The following PYGM variants were observed in gnomAD, a reference collection of about 807,000 sequenced individuals.
PYGM encodes glycogen phosphorylase, muscle form.
In PYGM, 81 loss-of-function variants were observed where a neutral mutation model predicts 99.3. The observed-to-expected ratio is 0.82, with a 90% CI of 0.68 to 0.98. The LOEUF (loss-of-function observed/expected upper bound fraction) is 0.98. PYGM is among the 50% of genes least tolerant of loss of function. PYGM has a pLI of 0.00. For missense variants in PYGM, 1,030 were observed against 1,158.1 expected, an observed-to-expected ratio of 0.89 and a Z score of 1.61; for synonymous variants, 436 against 451.5, an observed-to-expected ratio of 0.97 and a Z score of 0.44.
Position 64,754,962 on chromosome 11 carries a change from G to A in PYGM, c.856-126C>T. On this transcript the variant is annotated intron_variant, in intron 7 of 19. Coordinates refer to ENST00000164139, the MANE Select transcript of PYGM (RefSeq NM_005609.4). This position sits in a 1 kb window ranked among gnomAD's most constrained non-coding sequence, Gnocchi z 5.5. Reference sequence around the variant, plus strand: ...TGAGCCCTGAGCCGGCCCCCTCTCTGGGACCCAGGGGCCTTTCCTCCACCA... The same window carrying A: ...TGAGCCCTGAGCCGGCCCCCTCTCTAGGACCCAGGGGCCTTTCCTCCACCA... 1 of 1,321,864 alleles carries A rather than the reference G, an allele frequency of 7.6e-7. No individual in the cohort carries two copies. Among genetic ancestry groups the A allele is most frequent in the Non-Finnish European group, 1.0e-6 (1 of 968,236 alleles). 81.9% of individuals were successfully genotyped at this position (1,321,864 alleles called of 1,614,324 possible). A position where few individuals can be genotyped will look rare whatever the true frequency, so the allele number is the denominator to read the frequency against.
intron 17 of PYGM, 55 bp from the exon 18 acceptor site, chr11:64,747,413 C>A (rs71581781): frequency 6.2e-7 from 1 of 1,611,978 alleles, no homozygotes; most frequent in Non-Finnish European, 8.5e-7. Context: ...GGCTCCTCTT[C>A]CAGAGAAAAG....
rs1198008535 is a variant in PYGM at position 64,755,761 on chromosome 11, C to A, written c.661-203G>T. The stretch of plus-strand genomic sequence containing the variant: ...AGCAAAGACACCCTCAACACCTCCC[C>A]GACACCCATAAGCCCTGCCTGGGCA... On this transcript the variant is annotated intron_variant, in intron 5 of 19. Transcript: ENST00000164139. This position sits in a 1 kb window ranked among gnomAD's most constrained non-coding sequence, Gnocchi z 4.1. Among the ~76,000 whole-genome samples the A allele has an allele frequency of 6.6e-6, 1 of 152,230 alleles. No individual in the cohort carries two copies. The highest frequency in any genetic ancestry group is 6.5e-5 in the Admixed American group (1 of 15,290).
In PYGM at chr11:64,753,565, C is replaced by T. The variant is rs151213354; in HGVS notation, c.1357G>A (p.Val453Ile). 3.7e-5 allele frequency: 60 copies of T among 1,602,284 alleles called. No homozygotes were observed. Among genetic ancestry groups the T allele is most frequent in the Non-Finnish European group, 4.5e-5 (53 of 1,177,166 alleles). Reference protein sequence around the residue: ...AHLCIAGSHAVNGVARIHSEI... With the variant: ...AHLCIAGSHAINGVARIHSEI... ...GAGTGGATGCGCGCCACGCCGTTGA[C>T]GGCGTGCGACCCCGCGATGCACAGG... Residue 453 changes from valine (V) to isoleucine (I), a missense_variant, in exon 11 of 20, where the codon GTC becomes ATC. Coordinates refer to ENST00000164139, the MANE Select transcript of PYGM (RefSeq NM_005609.4).
chr11:64,758,453 GC>G lies in PYGM; in HGVS notation c.407del (p.Gly136AlafsTer159), dbSNP rs786204723. The G allele has an allele frequency of 1.2e-6, 2 of 1,613,890 alleles. No individual in the cohort carries two copies. The highest frequency in any genetic ancestry group is 1.7e-5 in the Admixed American group (1 of 60,024). ...TCTTCTTACCTGCCAGCCGGCCCAGGCCCCCGTTGCCCAGCCCCGCATCCTC... is the reference window on the plus strand; with the variant it reads ...TCTTCTTACCTGCCAGCCGGCCCAGGCCCCGTTGCCCAGCCCCGCATCCTC... ...IEEDAGLGNG[G>X]LGRLAACFLD... On this transcript the variant is annotated frameshift_variant, in exon 3 of 20. Transcript: ENST00000164139. LOFTEE classifies it high-confidence loss of function.
chr11:64,759,362 T>G (rs544559721), intron 1 of PYGM, among the ~76,000 whole-genome samples: 6 of 152,184 alleles, frequency 3.9e-5, no homozygotes, highest in Admixed American at 6.5e-5. Context: ...GATGTGTCCT[T>G]CCACCTGGGC....
chr11:64,750,953 G>A (rs182444263), intron 16 of PYGM, among the ~76,000 whole-genome samples: 5 of 152,264 alleles, frequency 3.3e-5, no homozygotes, highest in African/African-American at 1.2e-4. Context: ...GTGCAATGGC[G>A]TGATCTCGGC....
At chr11:64,746,863 G>T (rs2058314192) in intron 19 of PYGM, 55 bp from the exon 20 acceptor site, 3 of 1,614,052 alleles carry the variant, frequency 1.9e-6, no homozygotes, top group Admixed American at 3.3e-5. Context: ...TCCACCTTCT[G>T]CCTCATCCCA....
In PYGM at chr11:64,754,409, A is replaced by G. The variant is rs1195535328; in HGVS notation, c.1000-64T>C. On this transcript the variant is annotated intron_variant, in intron 8 of 19. Coordinates refer to ENST00000164139, the MANE Select transcript of PYGM (RefSeq NM_005609.4). The surrounding 1 kb of genome is among the most constrained non-coding windows in gnomAD (Gnocchi z 5.5). The stretch of plus-strand genomic sequence containing the variant: ...CATTCCATGCTATGGTCACTGCCCT[A>G]TGCCATTTGGAGGCCCCCAGAGAGC... 4 of 1,400,604 alleles carry G rather than the reference A, an allele frequency of 2.9e-6. No homozygotes were observed. Among genetic ancestry groups the G allele is most frequent in the African/African-American group, 1.4e-5 (1 of 69,550 alleles). 86.8% of individuals were successfully genotyped at this position (1,400,604 alleles called of 1,614,324 possible). A position where few individuals can be genotyped will look rare whatever the true frequency, so the allele number is the denominator to read the frequency against.
intron 16 of PYGM, 128 bp from the exon 17 acceptor site, chr11:64,750,711 C>T (rs1035726639): frequency 6.0e-6 from 5 of 839,954 alleles, no homozygotes; most frequent in African/African-American, 1.7e-5. Flanking sequence ...TCCCAGTCTT[C>T]ACCAGCCAAG....
rs1196981117 is a variant in PYGM, at chr11:64,754,619, G to A, written c.999+74C>T. The A allele has an allele frequency of 6.4e-7, 1 of 1,568,712 alleles. No homozygotes were observed. The highest frequency in any genetic ancestry group is 8.7e-7 in the Non-Finnish European group (1 of 1,150,746). On this transcript the variant is annotated intron_variant, in intron 8 of 19. Coordinates refer to ENST00000164139, the MANE Select transcript of PYGM (RefSeq NM_005609.4). The surrounding 1 kb of genome is among the most constrained non-coding windows in gnomAD (Gnocchi z 5.5). ...ACTCCCTTATCTATTACATGGGGCAGGCAGGCCGAGGCTGGAGGGAGAGGC... is the reference window on the plus strand; with the variant it reads ...ACTCCCTTATCTATTACATGGGGCAAGCAGGCCGAGGCTGGAGGGAGAGGC...
At chr11:64,759,093 C>A (rs1210963817) in intron 1 of PYGM, among the ~76,000 whole-genome samples, 3 of 11,132 alleles carry the variant, frequency 2.7e-4, no homozygotes, top group African/African-American at 6.9e-4. Flanking sequence ...CATCCTTGCA[C>A]TGTCCAGTTC....
rs775496411 is a variant in PYGM, at chr11:64,752,443, T to C, written c.1580A>G (p.Asp527Gly). 4.9e-5 allele frequency: 79 copies of C among 1,614,102 alleles called. No individual in the cohort carries two copies. Among genetic ancestry groups the C allele is most frequent in the Non-Finnish European group, 6.4e-5 (76 of 1,180,032 alleles). Residue 527 changes from aspartate to glycine, a missense_variant, in exon 13 of 20, where the codon GAT becomes GGT. By Grantham distance (94) the Asp-to-Gly change is moderately conservative (BLOSUM62 -1). Transcript: ENST00000164139. ...DQLRKLLSFV[D>G]DEAFIRDVAK... ...CACATCCCGAATGAAAGCTTCATCATCCACAAAGGAGAGCAGTTTGCGCAG... is the reference window on the plus strand; with the variant it reads ...CACATCCCGAATGAAAGCTTCATCACCCACAAAGGAGAGCAGTTTGCGCAG...
rs556345115 is a variant in PYGM, at chr11:64,747,476, C to A, written c.2178-118G>T. 115 of 1,390,378 alleles carry A rather than the reference C, an allele frequency of 8.3e-5. 3 individuals are homozygous for A. The Admixed American group carries it at 1.7e-3, about 21-fold the overall frequency. 86.1% of individuals were successfully genotyped at this position (1,390,378 alleles called of 1,614,324 possible). On this transcript the variant is annotated intron_variant, in intron 17 of 19. Coordinates refer to ENST00000164139, the MANE Select transcript of PYGM (RefSeq NM_005609.4). Reference sequence around the variant, plus strand: ...AACCCAGGTCCAGCCTGCTGCTCCCCAGGGCTGCCACATCGCCCCTGCAGG... The same window carrying A: ...AACCCAGGTCCAGCCTGCTGCTCCCAAGGGCTGCCACATCGCCCCTGCAGG...
rs369382075 is a variant in PYGM, at chr11:64,747,225, G to C, written c.2311C>G (p.Arg771Gly). The C allele has an allele frequency of 3.6e-5, 58 of 1,613,880 alleles. No individual in the cohort carries two copies. Among genetic ancestry groups the C allele is most frequent in the Non-Finnish European group, 4.8e-5 (57 of 1,179,934 alleles). ...DIVNMLMHHD[R>G]FKVFADYEDY... ...TGATTCCCGGGCCAACCAGCTCACC[G>C]GTCATGGTGCATGAGCATATTGACA... The change falls in exon 18 of 20, where the codon CGG (arginine) becomes GGG (glycine). Residue 771 changes from arginine to glycine, a missense_variant and splice_region_variant. Coordinates refer to ENST00000164139, the MANE Select transcript of PYGM (RefSeq NM_005609.4).
At position 64,754,557 on chromosome 11, in the gene PYGM, A is replaced by G; in HGVS notation, c.999+136T>C. On this transcript the variant is annotated intron_variant, in intron 8 of 19. Coordinates refer to ENST00000164139, the MANE Select transcript of PYGM (RefSeq NM_005609.4). This position sits in a 1 kb window ranked among gnomAD's most constrained non-coding sequence, Gnocchi z 5.5. Reference sequence around the variant, plus strand: ...CAGGTTCTGAGCCTGTGGATTGTGAATCCTGAACAACTGACCCTCCCACAC... The same window carrying G: ...CAGGTTCTGAGCCTGTGGATTGTGAGTCCTGAACAACTGACCCTCCCACAC... 1 of 1,339,256 alleles carries G rather than the reference A, an allele frequency of 7.5e-7. No homozygotes were observed. Among genetic ancestry groups the G allele is most frequent in the East Asian group, 2.5e-5 (1 of 39,814 alleles). The allele number at this position is 1,339,256 out of a possible 1,614,324, so 83.0% of individuals were successfully genotyped here.
chr11:64,750,070 G>A (rs764374047), intron 17 of PYGM, among the ~76,000 whole-genome samples: 29 of 152,160 alleles, frequency 1.9e-4, no homozygotes, highest in Non-Finnish European at 2.6e-4. Context: ...GGGATTACAG[G>A]TGTGAGCCAC....
intron 1 of PYGM, among the ~76,000 whole-genome samples, chr11:64,758,994 C>A (rs1292301996): frequency 6.6e-6 from 1 of 152,280 alleles, no homozygotes; most frequent in African/African-American, 2.4e-5. Context: ...GAATGGGCAC[C>A]CCTTCCCCCT....
At chr11:64,750,120 C>T (rs1252612811) in intron 17 of PYGM, among the ~76,000 whole-genome samples, 1 of 152,146 alleles carries the variant, frequency 6.6e-6, no homozygotes, top group Non-Finnish European at 1.5e-5. Flanking sequence ...ACTTCCATTT[C>T]CCAAACAATA....
At chr11:64,757,280 A>G (rs73494206) in intron 5 of PYGM, among the ~76,000 whole-genome samples, 9,426 of 152,062 alleles carry the variant, frequency 0.062, 978 homozygotes, top group African/African-American at 0.22. Context: ...CTGGTCTTGA[A>G]ATCCTGAACT....
Sources: allele counts gnomAD v4.1 joint callset (sites outside exome capture counted in the v4.1 genomes callset), GRCh38; gene constraint gnomAD v4.1.1; non-coding constraint Gnocchi (gnomAD v3.1); transcripts MANE v1.5; gene names NCBI Gene and HGNC (gene_info 2026-07-23, HGNC 2026-07-21).